The following AMIGO1 variants were observed in gnomAD, a reference collection of about 807,000 sequenced individuals.
The protein encoded by AMIGO1 is adhesion molecule with Ig like domain 1.
For synonymous variants in AMIGO1, 249 were observed against 266.3 expected, an observed-to-expected ratio of 0.93 and a Z score of 0.63; for missense variants, 361 against 612.3, an observed-to-expected ratio of 0.59 and a Z score of 4.33.
Position 109,507,384 on chromosome 1 carries a change from G to A in AMIGO1, c.*47C>T. On this transcript the variant is annotated 3_prime_UTR_variant, in exon 2 of 2. Coordinates refer to ENST00000369864, the MANE Select transcript of AMIGO1 (RefSeq NM_020703.4). This position sits in a 1 kb window ranked among gnomAD's most constrained non-coding sequence, Gnocchi z 4.7. ...TTCCATCCCCTCATATCCTTCAGGG[G>A]TGCATTACCTCTCCTGGGGCAGAAT... The A allele has an allele frequency of 6.4e-7, 1 of 1,551,482 alleles. No individual in the cohort carries two copies. The highest frequency in any genetic ancestry group is 8.7e-7 in the Non-Finnish European group (1 of 1,146,364).
Position 109,508,689 on chromosome 1 carries a change from C to T in AMIGO1, c.224G>A (p.Arg75His), listed in dbSNP as rs772200276. Residue 75 changes from arginine to histidine, a missense_variant, in exon 2 of 2, where the codon CGC (arginine) becomes CAC (histidine). Arg to His is a conservative substitution (Grantham distance 29). Transcript: ENST00000369864. The surrounding 1 kb of genome is among the most constrained non-coding windows in gnomAD (Gnocchi z 7.8). Reference sequence around the variant, plus strand: ...CGTGGGGGTCCACTCGGCCCGCAGGCGGCTCAGGTTGTTGTGACTGAGGTC... The same window carrying T: ...CGTGGGGGTCCACTCGGCCCGCAGGTGGCTCAGGTTGTTGTGACTGAGGTC... ...LLDLSHNNLS[R>H]LRAEWTPTRL... 3 of 1,613,970 alleles carry T rather than the reference C, an allele frequency of 1.9e-6. No individual in the cohort carries two copies. Among genetic ancestry groups the T allele is most frequent in the Admixed American group, 1.7e-5 (1 of 59,998 alleles).
Position 109,504,196 on chromosome 1 carries a change from A to G in AMIGO1, c.*3235T>C, listed in dbSNP as rs576429238. The G allele has an allele frequency of 6.6e-6, 1 of 152,230 alleles. No individual in the cohort carries two copies. The highest frequency in any genetic ancestry group is 1.5e-5 in the Non-Finnish European group (1 of 68,046). 9.4% of individuals were successfully genotyped at this position (152,230 alleles called of 1,614,324 possible). Reference sequence around the variant, plus strand: ...CAGATTGTGCCAGAACAGAGACTCAAGCCAGGTTTAATGATCATTGTCTAG... The same window carrying G: ...CAGATTGTGCCAGAACAGAGACTCAGGCCAGGTTTAATGATCATTGTCTAG... On this transcript the variant is annotated 3_prime_UTR_variant, in exon 2 of 2. Transcript: ENST00000369864.
rs534640685 is a variant in AMIGO1 at position 109,508,574 on chromosome 1, G to C, written c.339C>G (p.Arg113=). The C allele has an allele frequency of 6.2e-7, 1 of 1,614,192 alleles. No individual in the cohort carries two copies. The highest frequency in any genetic ancestry group is 2.2e-5 in the East Asian group (1 of 44,870). ...SEAFSPVPNL[R]YLDLSSNQLR... is the part of the protein sequence containing the mutation. The stretch of plus-strand genomic sequence containing the variant: ...GCTGGTTGGAGGAGAGGTCCAGGTA[G>C]CGCAGGTTGGGTACCGGGGAAAAGG... The change falls in exon 2 of 2, where the codon CGC becomes CGG. Residue 113 remains arginine (R), a synonymous_variant. Coordinates refer to ENST00000369864, the MANE Select transcript of AMIGO1 (RefSeq NM_020703.4). This position sits in a 1 kb window ranked among gnomAD's most constrained non-coding sequence, Gnocchi z 7.8.
In AMIGO1 at chr1:109,507,977, C is replaced by A; in HGVS notation, c.936G>T (p.Glu312Asp). The change falls in exon 2 of 2, where the codon GAG (glutamate) becomes GAT (aspartate). Residue 312 changes from glutamate to aspartate, a missense_variant. Coordinates refer to ENST00000369864, the MANE Select transcript of AMIGO1 (RefSeq NM_020703.4). The surrounding 1 kb of genome is among the most constrained non-coding windows in gnomAD (Gnocchi z 4.7). The stretch of plus-strand genomic sequence containing the variant: ...ACACACTCACTGTGCCATTGGTCAC[C>A]TCATCTAGCACCCGTTCATTACTTG... The part of the protein sequence containing the change: ...VTPSNERVLD[E>D]VTNGTVSVSK... The A allele has an allele frequency of 6.2e-7, 1 of 1,614,194 alleles. No homozygotes were observed. Among genetic ancestry groups the A allele is most frequent in the Non-Finnish European group, 8.5e-7 (1 of 1,180,046 alleles).
chr1:109,507,571 C>T lies in AMIGO1; in HGVS notation c.1342G>A (p.Gly448Arg). ...TTGCCGTTTTGACCCTGCCCAGGTC[C>T]AGCAGGTTCCAGGAAAGCCACCCGC... is the stretch of plus-strand genomic sequence containing the variant. The part of the protein sequence containing the change: ...DRRVAFLEPA[G>R]PGQGQNGKLK... The change falls in exon 2 of 2, where the codon GGA (glycine) becomes AGA (arginine). Residue 448 changes from glycine (G) to arginine (R), a missense_variant. Transcript: ENST00000369864. This position sits in a 1 kb window ranked among gnomAD's most constrained non-coding sequence, Gnocchi z 4.7. The T allele has an allele frequency of 6.2e-7, 1 of 1,614,056 alleles. No individual in the cohort carries two copies. The highest frequency in any genetic ancestry group is 8.5e-7 in the Non-Finnish European group (1 of 1,180,014).
chr1:109,507,615 T>G lies in AMIGO1; in HGVS notation c.1298A>C (p.Lys433Thr). The change falls in exon 2 of 2, where the codon AAA (lysine) becomes ACA (threonine). Residue 433 changes from lysine to threonine, a missense_variant. Physicochemically the swap from Lys to Thr is moderately conservative, Grantham distance 78. Transcript: ENST00000369864. The surrounding 1 kb of genome is among the most constrained non-coding windows in gnomAD (Gnocchi z 4.7). ...PNHDPMAGGD[K>T]DDGFDRRVAF... The stretch of plus-strand genomic sequence containing the variant: ...CACCCGCCGGTCAAAACCATCATCT[T>G]TGTCCCCACCAGCCATAGGATCATG... 1 of 1,614,128 alleles carries G rather than the reference T, an allele frequency of 6.2e-7. No homozygotes were observed. Among genetic ancestry groups the G allele is most frequent in the Non-Finnish European group, 8.5e-7 (1 of 1,180,012 alleles).
chr1:109,508,622 G>A lies in AMIGO1; in HGVS notation c.291C>T (p.His97=). The A allele has an allele frequency of 6.2e-7, 1 of 1,614,196 alleles. No individual in the cohort carries two copies. The highest frequency in any genetic ancestry group is 8.5e-7 in the Non-Finnish European group (1 of 1,180,048). The part of the protein sequence containing the change: ...QLHSLLLSHN[H]LNFISSEAFS... Reference sequence around the variant, plus strand: ...AGGCCTCAGAGGAGATGAAGTTCAGGTGGTTGTGGCTCAGCAGCAGGGAGT... The same window carrying A: ...AGGCCTCAGAGGAGATGAAGTTCAGATGGTTGTGGCTCAGCAGCAGGGAGT... Residue 97 remains histidine, a synonymous_variant, in exon 2 of 2, where the codon CAC becomes CAT. Transcript: ENST00000369864. This position sits in a 1 kb window ranked among gnomAD's most constrained non-coding sequence, Gnocchi z 7.8.
rs1445678887 is a variant in AMIGO1 at position 109,508,990 on chromosome 1, G to A, written c.-78C>T. ...ACCCGGGCATGTTCTGGTGGGGTACGGAAGGGTCACTTGAGAGAAAGAGGA... is the reference window on the plus strand; with the variant it reads ...ACCCGGGCATGTTCTGGTGGGGTACAGAAGGGTCACTTGAGAGAAAGAGGA... On this transcript the variant is annotated 5_prime_UTR_variant, in exon 2 of 2. Coordinates refer to ENST00000369864, the MANE Select transcript of AMIGO1 (RefSeq NM_020703.4). The surrounding 1 kb of genome is among the most constrained non-coding windows in gnomAD (Gnocchi z 7.8). 7 of 1,427,116 alleles carry A rather than the reference G, an allele frequency of 4.9e-6. No individual in the cohort carries two copies. The highest frequency in any genetic ancestry group is 2.5e-4 in the Middle Eastern group (1 of 4,000). The allele number at this position is 1,427,116 out of a possible 1,614,324, so 88.4% of individuals were successfully genotyped here. A position where few individuals can be genotyped will look rare whatever the true frequency, so the allele number is the denominator to read the frequency against.
chr1:109,505,091 G>A lies in AMIGO1; in HGVS notation c.*2340C>T, dbSNP rs1206703530. On this transcript the variant is annotated 3_prime_UTR_variant, in exon 2 of 2. Coordinates refer to ENST00000369864, the MANE Select transcript of AMIGO1 (RefSeq NM_020703.4). ...CTCTCCTGAGGACAGTTAACAGGAA[G>A]AGCAGCTCACAGCTACTTAGCCCCT... 1 of 152,218 alleles carries A rather than the reference G, an allele frequency of 6.6e-6. No individual in the cohort carries two copies. The highest frequency in any genetic ancestry group is 6.5e-5 in the Admixed American group (1 of 15,288). 9.4% of individuals were successfully genotyped at this position (152,218 alleles called of 1,614,324 possible).
Position 109,507,275 on chromosome 1 carries a change from T to G in AMIGO1, c.*156A>C. 2 of 1,047,682 alleles carry G rather than the reference T, an allele frequency of 1.9e-6. No individual in the cohort carries two copies. Among genetic ancestry groups the G allele is most frequent in the Non-Finnish European group, 2.7e-6 (2 of 733,726 alleles). The allele number at this position is 1,047,682 out of a possible 1,614,324, so 64.9% of individuals were successfully genotyped here. A position where few individuals can be genotyped will look rare whatever the true frequency, so the allele number is the denominator to read the frequency against. On this transcript the variant is annotated 3_prime_UTR_variant, in exon 2 of 2. Coordinates refer to ENST00000369864, the MANE Select transcript of AMIGO1 (RefSeq NM_020703.4). The surrounding 1 kb of genome is among the most constrained non-coding windows in gnomAD (Gnocchi z 4.7). ...TGAAAATCGTGGCAGCCACGCCCTG[T>G]TTGGGGTCTTGCTCTCTGTTGTACC...
rs2101057680 is a variant in AMIGO1, at chr1:109,504,308, G to C, written c.*3123C>G. On this transcript the variant is annotated 3_prime_UTR_variant, in exon 2 of 2. Transcript: ENST00000369864. ...GGTCTTGGACACGGGAGGCCTGCTTGCTTTGTCAGCAGAGCTACGAGGAAG... is the reference window on the plus strand; with the variant it reads ...GGTCTTGGACACGGGAGGCCTGCTTCCTTTGTCAGCAGAGCTACGAGGAAG... 1 of 152,320 alleles carries C rather than the reference G, an allele frequency of 6.6e-6. No homozygotes were observed. Among genetic ancestry groups the C allele is most frequent in the Non-Finnish European group, 1.5e-5 (1 of 68,040 alleles). 9.4% of individuals were successfully genotyped at this position (152,320 alleles called of 1,614,324 possible).
rs1424168824 is a variant in AMIGO1 at position 109,508,118 on chromosome 1, C to G, written c.795G>C (p.Leu265=). 6.2e-7 allele frequency: 1 copy of G among 1,614,166 alleles called. No homozygotes were observed. Among genetic ancestry groups the G allele is most frequent in the Non-Finnish European group, 8.5e-7 (1 of 1,180,038 alleles). ...TGTACTCGCCACAGTTGAGGAAACTCAGGTTGAAGACATTGTGCAGCTTCT... is the reference window on the plus strand; with the variant it reads ...TGTACTCGCCACAGTTGAGGAAACTGAGGTTGAAGACATTGTGCAGCTTCT... ...NSKKLHNVFN[L]SFLNCGEYKE... is the part of the protein sequence containing the mutation. Residue 265 remains leucine (L), a synonymous_variant, in exon 2 of 2, where the codon CTG becomes CTC. Transcript: ENST00000369864. The surrounding 1 kb of genome is among the most constrained non-coding windows in gnomAD (Gnocchi z 7.8).
Position 109,508,870 on chromosome 1 carries a change from G to A in AMIGO1, c.43C>T (p.Pro15Ser). The A allele has an allele frequency of 6.2e-7, 1 of 1,604,018 alleles. No individual in the cohort carries two copies. The highest frequency in any genetic ancestry group is 2.2e-5 in the East Asian group (1 of 44,732). The change falls in exon 2 of 2, where the codon CCG (proline) becomes TCG (serine). Residue 15 changes from proline to serine, a missense_variant. Physicochemically the swap from Pro to Ser is moderately conservative, Grantham distance 74 (BLOSUM62 -1). Transcript: ENST00000369864. This position sits in a 1 kb window ranked among gnomAD's most constrained non-coding sequence, Gnocchi z 7.8. Reference sequence around the variant, plus strand: ...TCAAAAAGCAGCAGGGACAAGGACGGCAGCAGGAGCCAGAGGCCTCTCGGG... The same window carrying A: ...TCAAAAAGCAGCAGGGACAAGGACGACAGCAGGAGCCAGAGGCCTCTCGGG... ...RDPRGLWLLL[P>S]SLSLLLFEVA...
intron 1 of AMIGO1, among the ~76,000 whole-genome samples, 159 bp from the exon 2 acceptor site, chr1:109,509,158 T>C (rs549750079): frequency 3.9e-4 from 59 of 151,938 alleles, no homozygotes; most frequent in Non-Finnish European, 7.4e-4. Context: ...GCTGTAAATA[T>C]CGGCCGAAGA....
rs969612228 is a variant in AMIGO1 at position 109,504,686 on chromosome 1, G to A, written c.*2745C>T. On this transcript the variant is annotated 3_prime_UTR_variant, in exon 2 of 2. Coordinates refer to ENST00000369864, the MANE Select transcript of AMIGO1 (RefSeq NM_020703.4). ...TTTGGGTTCTATCACCTGAAACCAC[G>A]GGAAGAAACAAATCAAATCTCTTGG... 6 of 152,066 alleles carry A rather than the reference G, an allele frequency of 3.9e-5. No homozygotes were observed. The highest frequency in any genetic ancestry group is 1.2e-4 in the African/African-American group (5 of 41,422). 9.4% of individuals were successfully genotyped at this position (152,066 alleles called of 1,614,324 possible).
In AMIGO1 at chr1:109,507,525, A is replaced by T. The variant is rs1382908389; in HGVS notation, c.1388T>A (p.Leu463Gln). 3 of 1,614,152 alleles carry T rather than the reference A, an allele frequency of 1.9e-6. No homozygotes were observed. The highest frequency in any genetic ancestry group is 1.7e-5 in the Admixed American group (1 of 60,030). The change falls in exon 2 of 2, where the codon CTG becomes CAG. Residue 463 changes from leucine to glutamine, a missense_variant. By Grantham distance (113) the Leu-to-Gln change is moderately radical. Transcript: ENST00000369864. This position sits in a 1 kb window ranked among gnomAD's most constrained non-coding sequence, Gnocchi z 4.7. ...QNGKLKPGNTLPVPEATGKGQ... is the reference protein window; with the variant it reads ...QNGKLKPGNTQPVPEATGKGQ... ...CTTGCCTGTGGCCTCAGGCACTGGC[A>T]GGGTGTTGCCTGGCTTGAGCTTGCC...
chr1:109,508,004 T>G lies in AMIGO1; in HGVS notation c.909A>C (p.Thr303=), dbSNP rs1379338149. 6.2e-7 allele frequency: 1 copy of G among 1,614,194 alleles called. No individual in the cohort carries two copies. The change falls in exon 2 of 2, where the codon ACA becomes ACC. Residue 303 remains threonine, a synonymous_variant. Coordinates refer to ENST00000369864, the MANE Select transcript of AMIGO1 (RefSeq NM_020703.4). This position sits in a 1 kb window ranked among gnomAD's most constrained non-coding sequence, Gnocchi z 7.8. ...KQQGMTKVWV[T]PSNERVLDEV... The stretch of plus-strand genomic sequence containing the variant: ...CATCTAGCACCCGTTCATTACTTGG[T>G]GTCACCCACACCTTGGTCATCCCTT...
At position 109,505,131 on chromosome 1, in the gene AMIGO1, T is replaced by A. The variant is rs556446452; in HGVS notation, c.*2300A>T. On this transcript the variant is annotated 3_prime_UTR_variant, in exon 2 of 2. Coordinates refer to ENST00000369864, the MANE Select transcript of AMIGO1 (RefSeq NM_020703.4). Reference sequence around the variant, plus strand: ...ACTTAGCCCCTTGCCAGTTTCCTTCTGAGTCCTTCAATGACCTAGTTCTAT... The same window carrying A: ...ACTTAGCCCCTTGCCAGTTTCCTTCAGAGTCCTTCAATGACCTAGTTCTAT... 1 of 152,378 alleles carries A rather than the reference T, an allele frequency of 6.6e-6. No homozygotes were observed. The highest frequency in any genetic ancestry group is 2.1e-4 in the South Asian group (1 of 4,828). The allele number at this position is 152,378 out of a possible 1,614,324, so 9.4% of individuals were successfully genotyped here. A position where few individuals can be genotyped will look rare whatever the true frequency, so the allele number is the denominator to read the frequency against.
At position 109,508,468 on chromosome 1, in the gene AMIGO1, C is replaced by T; in HGVS notation, c.445G>A (p.Val149Met). The change falls in exon 2 of 2, where the codon GTG becomes ATG. Residue 149 changes from valine (V) to methionine (M), a missense_variant. Val to Met is a conservative substitution (Grantham distance 21). Transcript: ENST00000369864. The surrounding 1 kb of genome is among the most constrained non-coding windows in gnomAD (Gnocchi z 7.8). ...ATGTCATCGAAGGCGCACCGGTCCA[C>T]CGCCATGATGTGGTTATTGTAGAGC... ...LLLYNNHIMAVDRCAFDDMAQ... is the reference protein window; with the variant it reads ...LLLYNNHIMAMDRCAFDDMAQ... 6.2e-7 allele frequency: 1 copy of T among 1,614,184 alleles called. No individual in the cohort carries two copies. Among genetic ancestry groups the T allele is most frequent in the Non-Finnish European group, 8.5e-7 (1 of 1,180,044 alleles).
Sources: allele counts gnomAD v4.1 joint callset (sites outside exome capture counted in the v4.1 genomes callset), GRCh38; gene constraint gnomAD v4.1.1; non-coding constraint Gnocchi (gnomAD v3.1); transcripts MANE v1.5; gene names NCBI Gene and HGNC (gene_info 2026-07-23, HGNC 2026-07-21).